IQSEC1: variants seen among roughly 807,000 people sequenced by gnomAD.
IQSEC1 encodes the protein IQ motif and Sec7 domain ArfGEF 1.
In IQSEC1, 31 loss-of-function variants were observed where a neutral mutation model predicts 91.0. The observed-to-expected ratio is 0.34, with a 90% CI of 0.26 to 0.46. The LOEUF is 0.46. IQSEC1 is among the 20% of genes least tolerant of loss of function. The pLI is 1.00. For missense variants in IQSEC1, 1,388 were observed against 1,575.6 expected (o/e 0.88, Z 2.02); for synonymous variants, 699 against 662.6 (o/e 1.05, Z -0.84).
chr3:13,162,146 A>G (rs1707190809), intron 2 of IQSEC1, among the ~76,000 whole-genome samples: 1 of 152,192 alleles, frequency 6.6e-6, no homozygotes, highest in African/African-American at 2.4e-5. Context: ...CGCTCAGGTC[A>G]CCAGTGAGAG....
At chr3:12,925,758 T>G (rs1697069327) in intron 3 of IQSEC1, among the ~76,000 whole-genome samples, 1 of 152,190 alleles carries the variant, frequency 6.6e-6, no homozygotes, top group Non-Finnish European at 1.5e-5. Context: ...ATGTGTGTCG[T>G]GGGCTGATGG....
At chr3:13,122,360 G>A (rs1031751893) in intron 2 of IQSEC1, among the ~76,000 whole-genome samples, 1 of 152,252 alleles carries the variant, frequency 6.6e-6, no homozygotes, top group African/African-American at 2.4e-5. Flanking sequence ...TGCCCCTTGA[G>A]GACTTTGTCT....
intron 1 of IQSEC1, among the ~76,000 whole-genome samples, chr3:12,959,720 T>TA: frequency 6.6e-6 from 1 of 152,268 alleles, no homozygotes; most frequent in East Asian, 1.9e-4. Context: ...GTCCTTGATA[T>TA]AAAATCAACA....
At chr3:12,912,218 G>C (rs1026413825) in intron 9 of IQSEC1, among the ~76,000 whole-genome samples, 1 of 152,240 alleles carries the variant, frequency 6.6e-6, no homozygotes. Context: ...GTCCTTGGCT[G>C]CTATTCTGGT....
chr3:13,032,033 C>A (rs1165733271), intron 1 of IQSEC1, among the ~76,000 whole-genome samples: 1 of 152,118 alleles, frequency 6.6e-6, no homozygotes, highest in Non-Finnish European at 1.5e-5. Flanking sequence ...CCCAGGCTCC[C>A]CACTTGTTAC....
chr3:12,934,123 C>T (rs961507016), intron 3 of IQSEC1, among the ~76,000 whole-genome samples: 8 of 152,212 alleles, frequency 5.3e-5, no homozygotes, highest in East Asian at 3.8e-4. Context: ...GCAACCCTCC[C>T]CTGTCCAGCG....
chr3:13,240,101 G>C (rs1021378350), intron 1 of IQSEC1, among the ~76,000 whole-genome samples: 2 of 152,108 alleles, frequency 1.3e-5, no homozygotes, highest in African/African-American at 4.8e-5. Flanking sequence ...TTGGCCGGCC[G>C]GGTGTGGTGG....
chr3:13,154,183 C>T lies in IQSEC1; in HGVS notation c.302+9921G>A, dbSNP rs6442352. 8.2e-3 allele frequency among the ~76,000 whole-genome samples: 1,239 copies of T among 151,686 alleles called. 20 individuals carry two copies. Among genetic ancestry groups the T allele is most frequent in the African/African-American group, 0.028 (1,168 of 41,346 alleles). ...GCTTCCTGGTCCTGCTCTCTTGTTG[C>T]GGGGAAGAAGAATCTTATCTGACTG... On this transcript the variant is annotated intron_variant, in intron 2 of 15. Transcript: ENST00000648114.
chr3:12,966,340 G>A (rs894605257), intron 1 of IQSEC1, among the ~76,000 whole-genome samples: 2 of 152,160 alleles, frequency 1.3e-5, no homozygotes, highest in African/African-American at 2.4e-5. Flanking sequence ...CTGGACATGC[G>A]CTGCACAATT....
intron 1 of IQSEC1, among the ~76,000 whole-genome samples, chr3:13,035,798 C>T (rs946319106): frequency 2.4e-4 from 37 of 152,188 alleles, no homozygotes; most frequent in Non-Finnish European, 1.3e-4. Flanking sequence ...GCCATAGAAG[C>T]GATGCTGTGT....
intron 1 of IQSEC1, among the ~76,000 whole-genome samples, chr3:12,989,007 C>T (rs918351971): frequency 4.6e-5 from 7 of 152,158 alleles, no homozygotes; most frequent in African/African-American, 1.7e-4. Context: ...CCAGCAGGGC[C>T]AAGACTAGAA....
At chr3:13,145,175 G>A (rs1367919898) in intron 2 of IQSEC1, among the ~76,000 whole-genome samples, 8 of 152,186 alleles carry the variant, frequency 5.3e-5, no homozygotes, top group African/African-American at 1.9e-4. Flanking sequence ...TATCAGTTAG[G>A]AACAGGTTGG....
In IQSEC1 at chr3:12,913,684, C is replaced by CGAA. The variant is rs1290913652; in HGVS notation, c.2191-132_2191-131insTTC. On this transcript the variant is annotated intron_variant, in intron 8 of 13. Coordinates refer to ENST00000613206, the MANE Select transcript of IQSEC1 (RefSeq NM_001134382.3). ...GGGCCTTGAGTTAAAAAATGCCTTC[C>CGAA]CTCACAGACATTGAAGAGCAGATAC... The CGAA allele has an allele frequency of 6.2e-5, 49 of 787,328 alleles. 1 individual carries two copies. The African/African-American group carries it at 7.9e-4, about 13-fold the overall frequency. 48.8% of individuals were successfully genotyped at this position (787,328 alleles called of 1,614,324 possible).
intron 1 of IQSEC1, 130 bp from the exon 2 acceptor site, chr3:12,941,995 G>A (rs528215169): frequency 1.2e-6 from 1 of 819,612 alleles, no homozygotes; most frequent in African/African-American, 1.7e-5. Flanking sequence ...CCCCATGGCT[G>A]AGTCCACATG....
At chr3:12,947,952 G>C (rs548689579) in intron 1 of IQSEC1, among the ~76,000 whole-genome samples, 1 of 152,354 alleles carries the variant, frequency 6.6e-6, no homozygotes, top group East Asian at 1.9e-4. Context: ...TGGACACCTC[G>C]CAGGAATAGA....
intron 2 of IQSEC1, among the ~76,000 whole-genome samples, chr3:13,147,682 G>A (rs1021676485): frequency 1.1e-4 from 16 of 152,180 alleles, no homozygotes; most frequent in African/African-American, 3.9e-4. Context: ...GCCCAGGCTG[G>A]AGTGCAGTGG....
chr3:13,028,602 A>C (rs1249512326), intron 1 of IQSEC1, among the ~76,000 whole-genome samples: 1 of 152,134 alleles, frequency 6.6e-6, no homozygotes, highest in Non-Finnish European at 1.5e-5. Context: ...GACAGATGAC[A>C]CCCCAGATGG....
intron 1 of IQSEC1, among the ~76,000 whole-genome samples, chr3:13,180,063 G>A (rs9869768): frequency 0.033 from 4,967 of 152,016 alleles, 265 homozygotes; most frequent in African/African-American, 0.11. Flanking sequence ...GCTCCACGGC[G>A]CCCAGTCCCA....
In IQSEC1 at chr3:12,992,722, T is replaced by C. The variant is rs575549195; in HGVS notation, c.24-50857A>G. ...ACAAAGCTGACCAGGCAGAGCCGAC[T>C]GCTGTCCTTGTGAGCCTCATCTCCT... is the stretch of plus-strand genomic sequence containing the variant. On this transcript the variant is annotated intron_variant, in intron 1 of 13. Coordinates refer to ENST00000613206, the MANE Select transcript of IQSEC1 (RefSeq NM_001134382.3). The surrounding 1 kb of genome is among the most constrained non-coding windows in gnomAD (Gnocchi z 4.1). 1.1e-3 allele frequency among the ~76,000 whole-genome samples: 169 copies of C among 152,352 alleles called. No individual in the cohort carries two copies. Among genetic ancestry groups the C allele is most frequent in the South Asian group, 6.4e-3 (31 of 4,828 alleles).
Sources: gnomAD v4.1 joint callset for allele counts (sites outside exome capture counted in the v4.1 genomes callset) on GRCh38, gnomAD v4.1.1 for gene constraint, Gnocchi (gnomAD v3.1) non-coding constraint, MANE v1.5 for transcripts, NCBI Gene and HGNC (gene_info 2026-07-23, HGNC 2026-07-21) for gene names.